Variants in IL1RAPL2 observed in about 807,000 individuals in gnomAD.
IL1RAPL2 encodes interleukin 1 receptor accessory protein like 2, also known as X-linked interleukin-1 receptor accessory protein-like 2.
In IL1RAPL2, 3 loss-of-function variants were observed where a neutral mutation model predicts 44.1. The ratio of observed to expected loss-of-function variants is 0.07; its 90% CI spans 0.03 to 0.18. IL1RAPL2 has a LOEUF of 0.18. Ranked by LOEUF, IL1RAPL2 falls within the 10% of genes least tolerant of loss-of-function variation. The probability of loss-of-function intolerance (pLI) is 1.00; values close to 1 mark genes in which losing one functional copy is unlikely to be tolerated. For missense variants in IL1RAPL2, 391 were observed against 496.4 expected (o/e 0.79, Z 2.02); for synonymous variants, 181 against 178.8 (o/e 1.01, Z -0.10).
At chrX:105,493,692 C>T (rs990297440) in intron 6 of IL1RAPL2, among the ~76,000 whole-genome samples, 1 of 111,038 alleles carries the variant, frequency 9.0e-6, no homozygotes, top group Non-Finnish European at 1.9e-5. Context: ...TAAACCTTGC[C>T]GTATTCCTAC....
At chrX:105,043,826 T>G (rs1242946717) in intron 2 of IL1RAPL2, among the ~76,000 whole-genome samples, 1 of 111,680 alleles carries the variant, frequency 9.0e-6, no homozygotes, top group African/African-American at 3.2e-5. Context: ...GTTCTTTTCA[T>G]CATGAAAAGT....
chrX:105,279,388 C>A (rs758840024), intron 5 of IL1RAPL2, among the ~76,000 whole-genome samples: 5 of 111,692 alleles, frequency 4.5e-5, no homozygotes, highest in African/African-American at 1.3e-4. Context: ...AAAGCCTGAG[C>A]CCCTCCCACT....
At chrX:105,158,930 T>A (rs1429593208) in intron 2 of IL1RAPL2, among the ~76,000 whole-genome samples, 2 of 111,628 alleles carry the variant, frequency 1.8e-5, no homozygotes, top group African/African-American at 6.5e-5. Context: ...GCTTCTGAAT[T>A]CCCTGCTGTG....
intron 6 of IL1RAPL2, among the ~76,000 whole-genome samples, chrX:105,545,516 TA>T (rs2036787508): frequency 8.9e-6 from 1 of 112,263 alleles, no homozygotes; most frequent in South Asian, 3.7e-4. Context: ...GCAGGGGTTT[TA>T]AAAGGAAAAC....
At chrX:104,889,015 C>T (rs914728392) in intron 2 of IL1RAPL2, among the ~76,000 whole-genome samples, 1 of 111,250 alleles carries the variant, frequency 9.0e-6, no homozygotes, top group African/African-American at 3.3e-5. Context: ...CTCTGGGGCA[C>T]CTACTACCCC....
At chrX:104,860,624 T>C (rs1283231416) in intron 2 of IL1RAPL2, among the ~76,000 whole-genome samples, 1 of 110,779 alleles carries the variant, frequency 9.0e-6, no homozygotes, top group Non-Finnish European at 1.9e-5. Context: ...CATAACCAGT[T>C]GAGCATCCCT....
At chrX:104,584,683 C>T (rs1928473069) in intron 1 of IL1RAPL2, among the ~76,000 whole-genome samples, 2 of 111,063 alleles carry the variant, frequency 1.8e-5, no homozygotes, top group South Asian at 7.6e-4. Flanking sequence ...AGTGACATTT[C>T]CTATCCAAGG....
At chrX:105,111,833 C>T (rs911183814) in intron 2 of IL1RAPL2, among the ~76,000 whole-genome samples, 2 of 111,944 alleles carry the variant, frequency 1.8e-5, no homozygotes, top group Admixed American at 1.9e-4. Flanking sequence ...ATATGGTAGA[C>T]ATTTAATGCA....
chrX:105,130,085 C>T (rs185129945), intron 2 of IL1RAPL2, among the ~76,000 whole-genome samples: 65 of 110,987 alleles, frequency 5.9e-4, no homozygotes, highest in African/African-American at 2.0e-3. Flanking sequence ...AAGGCAGGTA[C>T]TTTTGTTATG....
At chrX:104,785,188 A>G (rs1440498384) in intron 2 of IL1RAPL2, among the ~76,000 whole-genome samples, 1 of 109,978 alleles carries the variant, frequency 9.1e-6, no homozygotes, top group African/African-American at 3.3e-5. Flanking sequence ...ATTAAAAAAA[A>G]AATTTGGTAG....
At chrX:104,959,115 G>T (rs1343708636) in intron 2 of IL1RAPL2, among the ~76,000 whole-genome samples, 2 of 110,568 alleles carry the variant, frequency 1.8e-5, no homozygotes, top group African/African-American at 6.6e-5. Flanking sequence ...ATCAGATGAA[G>T]AATCATCTTT....
chrX:104,777,114 T>C (rs1159309364), intron 2 of IL1RAPL2, among the ~76,000 whole-genome samples: 1 of 111,255 alleles, frequency 9.0e-6, no homozygotes, highest in Non-Finnish European at 1.9e-5. Flanking sequence ...AGTAAGTACA[T>C]TCACACTGTT....
intron 5 of IL1RAPL2, among the ~76,000 whole-genome samples, chrX:105,305,809 A>G (rs1603055838): frequency 8.9e-6 from 1 of 111,973 alleles, no homozygotes; most frequent in East Asian, 2.8e-4. Context: ...ACAAAATTAA[A>G]TGGTGGACCT....
chrX:105,528,253 A>C (rs1602451751), intron 6 of IL1RAPL2, among the ~76,000 whole-genome samples: 2 of 111,567 alleles, frequency 1.8e-5, no homozygotes, highest in East Asian at 5.6e-4. Flanking sequence ...TTTAATCCCT[A>C]CAACAGCCCC....
chrX:105,518,499 A>G (rs1200911642), intron 6 of IL1RAPL2, among the ~76,000 whole-genome samples: 2 of 111,868 alleles, frequency 1.8e-5, no homozygotes, highest in Non-Finnish European at 3.8e-5. Flanking sequence ...CATCTGCTGG[A>G]ATTGAGCTCA....
intron 2 of IL1RAPL2, among the ~76,000 whole-genome samples, chrX:104,827,745 G>A (rs1283503727): frequency 3.6e-5 from 4 of 111,898 alleles, no homozygotes; most frequent in African/African-American, 9.7e-5. Flanking sequence ...CATTCTCCCT[G>A]TCACTTTCAA....
chrX:105,182,542 T>C (rs1483991621), intron 2 of IL1RAPL2, among the ~76,000 whole-genome samples: 16 of 98,073 alleles, frequency 1.6e-4, no homozygotes, highest in Admixed American at 1.5e-3. Flanking sequence ...GAGTTTCTTG[T>C]AGGCAGCACG....
chrX:104,944,131 T>C (rs151156549), intron 2 of IL1RAPL2, among the ~76,000 whole-genome samples: 1,422 of 111,498 alleles, frequency 0.013, 11 homozygotes, highest in Non-Finnish European at 0.02. Context: ...AGCTGTTCTT[T>C]AACAATATGC....
At chrX:104,885,797 A>T (rs1263320375) in intron 2 of IL1RAPL2, among the ~76,000 whole-genome samples, 2 of 112,597 alleles carry the variant, frequency 1.8e-5, no homozygotes, top group Non-Finnish European at 3.8e-5. Flanking sequence ...TTATAAGGAC[A>T]CTTTAAAAAA....
Sources: gnomAD v4.1 joint callset for allele counts (sites outside exome capture counted in the v4.1 genomes callset) on GRCh38, gnomAD v4.1.1 for gene constraint, MANE v1.5 for transcripts, NCBI Gene and HGNC (gene_info 2026-07-23, HGNC 2026-07-21) for gene names.